Variants in BICDL1 observed in about 807,000 individuals in gnomAD.
BICDL1 encodes the protein BICD family like cargo adaptor 1, also known as BICD family-like cargo adapter 1.
In BICDL1, 20 loss-of-function variants were observed where a neutral mutation model predicts 76.8. That is an observed-to-expected ratio of 0.26 (90% CI 0.18 to 0.38). The LOEUF is 0.38. Among genes scored for constraint, BICDL1 ranks in the 10% least tolerant of loss-of-function variants. The pLI is 1.00. For missense variants in BICDL1, 700 were observed against 798.6 expected (o/e 0.88, Z 1.49); for synonymous variants, 383 against 337.1 (o/e 1.14, Z -1.49).
chr12:120,009,143 A>G (rs1056657918), intron 2 of BICDL1, among the ~76,000 whole-genome samples: 11 of 152,088 alleles, frequency 7.2e-5, no homozygotes, highest in African/African-American at 2.7e-4. Context: ...ACACGCCACC[A>G]CACCCAGCTA....
At chr12:120,024,959 C>T (rs149164326) in intron 2 of BICDL1, among the ~76,000 whole-genome samples, 60 of 151,662 alleles carry the variant, frequency 4.0e-4, no homozygotes, top group African/African-American at 1.3e-3. Flanking sequence ...ATCACAGGCA[C>T]GAGCCACCGC....
At chr12:120,074,401 A>G in intron 6 of BICDL1, 42 bp from the exon 7 acceptor site, 1 of 1,119,314 alleles carries the variant, frequency 8.9e-7, no homozygotes, top group Non-Finnish European at 1.1e-6. Context: ...TCTCTCCTGT[A>G]CCCTTACCAT....
intron 2 of BICDL1, among the ~76,000 whole-genome samples, chr12:120,034,376 G>A (rs1952489804): frequency 6.6e-6 from 1 of 152,210 alleles, no homozygotes; most frequent in Non-Finnish European, 1.5e-5. Flanking sequence ...AATTAACACA[G>A]AGGGGTTTTA....
At chr12:120,089,678 G>A (rs531036687) in intron 8 of BICDL1, among the ~76,000 whole-genome samples, 17 of 152,132 alleles carry the variant, frequency 1.1e-4, no homozygotes, top group Admixed American at 7.2e-4. Context: ...CACCACACCC[G>A]GCCTCAACTT....
chr12:120,046,965 TAA>T (rs1460038535), intron 2 of BICDL1, among the ~76,000 whole-genome samples: 1 of 152,216 alleles, frequency 6.6e-6, no homozygotes, highest in African/African-American at 2.4e-5. Context: ...AAAGCAGTAT[TAA>T]CATTTGTCCT....
At position 119,989,742 on chromosome 12, in the gene BICDL1, C is replaced by G. The variant is rs977379039; in HGVS notation, c.-127C>G. ...GCGCCGCGCCCAGGGCTCGCGGGGA[C>G]CCGGGGGCGCGTGCCGCGGCGCGAG... On this transcript the variant is annotated 5_prime_UTR_variant, in exon 1 of 10. Coordinates refer to ENST00000548673, the MANE Select transcript of BICDL1 (RefSeq NM_001367886.1). The G allele has an allele frequency of 4.1e-6, 1 of 243,192 alleles. No individual in the cohort carries two copies. The highest frequency in any genetic ancestry group is 2.4e-5 in the African/African-American group (1 of 42,058). The allele number at this position is 243,192 out of a possible 1,614,324, so 15.1% of individuals were successfully genotyped here.
intron 2 of BICDL1, among the ~76,000 whole-genome samples, chr12:120,050,265 T>C (rs1436570018): frequency 6.6e-6 from 1 of 151,200 alleles, no homozygotes; most frequent in Non-Finnish European, 1.5e-5. Flanking sequence ...TTTTTTTTTT[T>C]TCTTTTTTTT....
intron 8 of BICDL1, among the ~76,000 whole-genome samples, chr12:120,083,044 G>A (rs1874114041): frequency 6.6e-6 from 1 of 150,490 alleles, no homozygotes; most frequent in Admixed American, 6.6e-5. Flanking sequence ...TGTATTTTTA[G>A]TAGAGATGGG....
intron 2 of BICDL1, among the ~76,000 whole-genome samples, chr12:120,035,089 A>G (rs1297345105): frequency 6.6e-6 from 1 of 152,216 alleles, no homozygotes; most frequent in East Asian, 1.9e-4. Flanking sequence ...TAATCCCAGC[A>G]CTTTGGGAGG....
intron 2 of BICDL1, among the ~76,000 whole-genome samples, chr12:120,010,302 A>G (rs1951927340): frequency 6.6e-6 from 1 of 152,272 alleles, no homozygotes; most frequent in Admixed American, 6.5e-5. Flanking sequence ...AAATACATGC[A>G]TACTGAGTAA....
At chr12:120,051,072 C>G (rs1352310555) in intron 2 of BICDL1, among the ~76,000 whole-genome samples, 1 of 151,486 alleles carries the variant, frequency 6.6e-6, no homozygotes, top group Non-Finnish European at 1.5e-5. Context: ...TGCTCTGTCG[C>G]CCAGAGCTGG....
chr12:120,007,915 G>C (rs953101518), intron 2 of BICDL1, among the ~76,000 whole-genome samples: 5 of 152,176 alleles, frequency 3.3e-5, no homozygotes, highest in Admixed American at 6.5e-5. Context: ...TTTAATTGCT[G>C]AATGGGCTTT....
intron 2 of BICDL1, among the ~76,000 whole-genome samples, chr12:120,016,177 C>T (rs77912568): frequency 1.1e-3 from 169 of 152,290 alleles, no homozygotes; most frequent in African/African-American, 3.9e-3. Flanking sequence ...TGTGTCTGGC[C>T]TCTTTCACTT....
intron 3 of BICDL1, among the ~76,000 whole-genome samples, chr12:120,063,392 G>A (rs962884348): frequency 6.6e-6 from 1 of 152,116 alleles, no homozygotes; most frequent in African/African-American, 2.4e-5. Context: ...TCTGGACAAA[G>A]GCCACATACT....
chr12:120,039,403 GC>G (rs1421713420), intron 2 of BICDL1, among the ~76,000 whole-genome samples: 1 of 151,000 alleles, frequency 6.6e-6, no homozygotes, highest in East Asian at 2.0e-4. Flanking sequence ...ACTTTGGGAG[GC>G]CAAGGTGGGC....
At chr12:120,024,556 T>C (rs1242937040) in intron 2 of BICDL1, among the ~76,000 whole-genome samples, 1 of 152,164 alleles carries the variant, frequency 6.6e-6, no homozygotes, top group African/African-American at 2.4e-5. Flanking sequence ...ATCCAAGAAG[T>C]TCATTGAATG....
At chr12:120,044,168 G>A (rs894919402) in intron 2 of BICDL1, among the ~76,000 whole-genome samples, 1 of 152,174 alleles carries the variant, frequency 6.6e-6, no homozygotes, top group Non-Finnish European at 1.5e-5. Flanking sequence ...TTTTATGGTG[G>A]TGGGAAGAAA....
Position 119,990,279 on chromosome 12 carries a change from G to A in BICDL1, c.411G>A (p.Glu137=). ...MSRQYEQMHK[E]LTDKLEHLEQ... is the part of the protein sequence containing the mutation. ...GGCAGTACGAGCAGATGCATAAGGA[G>A]CTGACAGACAAGCTCGAGGTGAGGA... is the stretch of plus-strand genomic sequence containing the variant. Residue 137 remains glutamate (E), a synonymous_variant, in exon 1 of 10, where the codon GAG becomes GAA. Coordinates refer to ENST00000548673, the MANE Select transcript of BICDL1 (RefSeq NM_001367886.1). The A allele has an allele frequency of 6.4e-7, 1 of 1,570,736 alleles. No individual in the cohort carries two copies. Among genetic ancestry groups the A allele is most frequent in the Non-Finnish European group, 8.6e-7 (1 of 1,158,786 alleles).
At chr12:120,053,351 T>A (rs1180969028) in intron 2 of BICDL1, among the ~76,000 whole-genome samples, 1 of 152,244 alleles carries the variant, frequency 6.6e-6, no homozygotes, top group Non-Finnish European at 1.5e-5. Flanking sequence ...TCCAAAGTGC[T>A]GGGATTAGAG....
Sources: gnomAD v4.1 joint callset for allele counts (sites outside exome capture counted in the v4.1 genomes callset) on GRCh38, gnomAD v4.1.1 for gene constraint, MANE v1.5 for transcripts, NCBI Gene and HGNC (gene_info 2026-07-23, HGNC 2026-07-21) for gene names.